Variants in RARB observed in about 807,000 individuals in gnomAD.
RARB encodes the protein retinoic acid receptor beta, also known as HBV-activated protein.
A neutral mutation model predicts 51.9 loss-of-function variants in RARB; 17 were observed. That is an observed-to-expected ratio of 0.33 (90% CI 0.22 to 0.49). The LOEUF (loss-of-function observed/expected upper bound fraction) is 0.49, where lower values mean the gene tolerates loss of function less well. Ranked by LOEUF, RARB falls within the 20% of genes least tolerant of loss-of-function variation. RARB has a pLI of 0.99. For missense variants in RARB, 369 were observed against 550.8 expected (o/e 0.67, Z 3.30); for synonymous variants, 215 against 195.4 (o/e 1.10, Z -0.84).
chr3:24,885,744 C>G (rs184726021), intron 2 of RARB, among the ~76,000 whole-genome samples: 1 of 152,258 alleles, frequency 6.6e-6, no homozygotes, highest in East Asian at 1.9e-4. Flanking sequence ...GAAGAAAATT[C>G]TCTTTAAAGC....
chr3:24,866,682 T>A (rs1169848507), intron 2 of RARB, among the ~76,000 whole-genome samples: 1 of 152,176 alleles, frequency 6.6e-6, no homozygotes, highest in East Asian at 1.9e-4. Flanking sequence ...ATGCAAGTAT[T>A]CTTTCCTTCT....
intron 3 of RARB, among the ~76,000 whole-genome samples, chr3:25,100,292 G>A (rs1217089734): frequency 6.6e-6 from 1 of 152,162 alleles, no homozygotes; most frequent in Non-Finnish European, 1.5e-5. Context: ...GATTTTAAAT[G>A]TTACAGTGCT....
At chr3:24,982,608 A>C (rs1016377450) in intron 2 of RARB, among the ~76,000 whole-genome samples, 32 of 152,342 alleles carry the variant, frequency 2.1e-4, no homozygotes, top group African/African-American at 7.2e-4. Context: ...TCAGACAGAA[A>C]AGAAGTGAAA....
chr3:25,202,261 A>G (rs1010227151), intron 5 of RARB, among the ~76,000 whole-genome samples: 1 of 151,898 alleles, frequency 6.6e-6, no homozygotes, highest in African/African-American at 2.4e-5. Flanking sequence ...GTTTGTATTT[A>G]TGTGGGATTG....
intron 2 of RARB, among the ~76,000 whole-genome samples, chr3:24,963,967 G>A (rs1329209790): frequency 6.6e-6 from 1 of 152,096 alleles, no homozygotes; most frequent in African/African-American, 2.4e-5. Context: ...ATCTTGACCA[G>A]CAGAGGGCTT....
chr3:25,422,303 C>G (rs906452651), intron 5 of RARB, among the ~76,000 whole-genome samples: 1 of 152,144 alleles, frequency 6.6e-6, no homozygotes, highest in Non-Finnish European at 1.5e-5. Flanking sequence ...TCTAGCTGTT[C>G]TTCTAAGCAC....
chr3:25,574,868 C>T (rs947294657), intron 4 of RARB, among the ~76,000 whole-genome samples: 12 of 152,038 alleles, frequency 7.9e-5, no homozygotes, highest in African/African-American at 2.4e-4. Context: ...TCGGGGAGCT[C>T]GGGCTGCCAG....
intron 3 of RARB, among the ~76,000 whole-genome samples, chr3:25,131,815 A>G (rs1699958119): frequency 6.6e-6 from 1 of 151,450 alleles, no homozygotes. Flanking sequence ...ACCCCTCCCC[A>G]AAATTAAGGG....
At chr3:24,983,614 A>G (rs879264574) in intron 2 of RARB, among the ~76,000 whole-genome samples, 1 of 152,018 alleles carries the variant, frequency 6.6e-6, no homozygotes, top group Non-Finnish European at 1.5e-5. Context: ...ACCCCCACTT[A>G]TGAGTGAGAA....
At chr3:25,182,029 C>T (rs1011970153) in intron 5 of RARB, among the ~76,000 whole-genome samples, 1 of 152,128 alleles carries the variant, frequency 6.6e-6, no homozygotes, top group African/African-American at 2.4e-5. Flanking sequence ...TCTATTCATC[C>T]TTGGTATTGC....
intron 2 of RARB, among the ~76,000 whole-genome samples, chr3:24,929,604 C>G (rs985369535): frequency 6.6e-6 from 1 of 152,044 alleles, no homozygotes; most frequent in Non-Finnish European, 1.5e-5. Context: ...ATTATAAACA[C>G]CATGCTAGAT....
intron 2 of RARB, among the ~76,000 whole-genome samples, chr3:24,861,452 C>G (rs1265146540): frequency 6.6e-6 from 1 of 151,696 alleles, no homozygotes; most frequent in East Asian, 1.9e-4. Context: ...CTTTCATATT[C>G]CTAGAAAAAA....
intron 2 of RARB, among the ~76,000 whole-genome samples, chr3:24,963,644 C>T (rs1696191281): frequency 6.6e-6 from 1 of 151,832 alleles, no homozygotes; most frequent in Admixed American, 6.6e-5. Flanking sequence ...GCTCACCAGT[C>T]ACACAGACAA....
chr3:25,424,032 C>T (rs1707925247), upstream of RARB, among the ~76,000 whole-genome samples: 1 of 152,176 alleles, frequency 6.6e-6, no homozygotes. Flanking sequence ...AAAGTATGCC[C>T]TTGTCTTGGG....
At position 24,893,862 on chromosome 3, in the gene RARB, C is replaced by A. The variant is rs1279358933; in HGVS notation, c.-380+35110C>A. Among the ~76,000 whole-genome samples, 4 of 152,148 alleles carry A rather than the reference C, an allele frequency of 2.6e-5. No individual in the cohort carries two copies. In the East Asian group the frequency reaches 5.8e-4, roughly 22 times the overall value. ...TTATGGATGTAATCATGTGCATTTTCTAGGAGGAATGTTTGTAACACTTTC... is the reference window on the plus strand; with the variant it reads ...TTATGGATGTAATCATGTGCATTTTATAGGAGGAATGTTTGTAACACTTTC... On this transcript the variant is annotated intron_variant, in intron 2 of 11. Transcript: ENST00000383772.
intron 1 of RARB, among the ~76,000 whole-genome samples, chr3:25,431,996 G>A (rs1708228516): frequency 6.6e-6 from 1 of 152,058 alleles, no homozygotes; most frequent in Admixed American, 6.5e-5. Flanking sequence ...AATTGAATGG[G>A]GTTTTGAATA....
chr3:25,231,104 T>G (rs34620038), intron 5 of RARB, among the ~76,000 whole-genome samples: 72,001 of 151,914 alleles, frequency 0.47, 18,100 homozygotes, highest in East Asian at 0.69. Flanking sequence ...AATCCCTCCT[T>G]AAACAAGCAA....
chr3:25,551,988 G>A (rs1699869248), intron 3 of RARB, among the ~76,000 whole-genome samples: 1 of 152,056 alleles, frequency 6.6e-6, no homozygotes, highest in Non-Finnish European at 1.5e-5. Flanking sequence ...CATAGTTCTT[G>A]CTACTTTTTA....
At chr3:25,220,017 T>C (rs1244933944) in intron 5 of RARB, among the ~76,000 whole-genome samples, 1 of 152,234 alleles carries the variant, frequency 6.6e-6, no homozygotes, top group African/African-American at 2.4e-5. Flanking sequence ...AAGACAGTTA[T>C]TGAATAGGGA....
Sources: gnomAD v4.1 joint callset for allele counts (sites outside exome capture counted in the v4.1 genomes callset) on GRCh38, gnomAD v4.1.1 for gene constraint, MANE v1.5 for transcripts, NCBI Gene and HGNC (gene_info 2026-07-23, HGNC 2026-07-21) for gene names.